POC5: variants seen among roughly 807,000 people sequenced by gnomAD.
POC5 encodes the protein POC5 centriolar protein.
Under a neutral mutation model 62.9 loss-of-function variants are expected in POC5, and 48 were observed. That is an observed-to-expected ratio of 0.76 (90% confidence interval 0.61 to 0.97). The LOEUF (loss-of-function observed/expected upper bound fraction) is 0.97. Ranked by LOEUF, POC5 falls within the 50% of genes least tolerant of loss-of-function variation. POC5 has a pLI of 0.00. For synonymous variants in POC5, 236 were observed against 228.2 expected (o/e 1.03, Z -0.31); for missense variants, 696 against 679.5 (o/e 1.02, Z -0.27).
At chr5:75,697,556 T>C (rs1337771166) in intron 5 of POC5, among the ~76,000 whole-genome samples, 2 of 151,322 alleles carry the variant, frequency 1.3e-5, no homozygotes, top group African/African-American at 4.9e-5. Context: ...CTGAAGGAAG[T>C]GCTAAACATG....
intron 9 of POC5, among the ~76,000 whole-genome samples, chr5:75,686,006 C>G (rs1776084945): frequency 6.6e-6 from 1 of 152,044 alleles, no homozygotes; most frequent in Admixed American, 6.6e-5. Flanking sequence ...AAAAATAAAT[C>G]AATAAAACTA....
chr5:75,674,581 G>A lies in POC5; in HGVS notation c.1585-3C>T. ...GCAGTTGCTTGAGGAATGGTTTGCT[G>A]AAAAGACAAAATTCTGCTTTAATAA... On this transcript the variant is annotated splice_polypyrimidine_tract_variant and splice_region_variant and intron_variant, in intron 11 of 11. Transcript: ENST00000428202. 1 of 1,613,452 alleles carries A rather than the reference G, an allele frequency of 6.2e-7. No homozygotes were observed. Among genetic ancestry groups the A allele is most frequent in the Non-Finnish European group, 8.5e-7 (1 of 1,179,650 alleles).
At position 75,685,449 on chromosome 5, in the gene POC5, C is replaced by A; in HGVS notation, c.1165G>T (p.Gly389Cys). ...DSTNNKKEEY[G>C]PGVQGKEHSA... Reference sequence around the variant, plus strand: ...TGTTCTTTTCCTTGAACACCAGGACCATACTCTTCCTTTTTATTATTTGTG... The same window carrying A: ...TGTTCTTTTCCTTGAACACCAGGACAATACTCTTCCTTTTTATTATTTGTG... Residue 389 changes from glycine (G) to cysteine (C), a missense_variant, in exon 10 of 12, where the codon GGT becomes TGT. Coordinates refer to ENST00000428202, the MANE Select transcript of POC5 (RefSeq NM_001099271.2). The A allele has an allele frequency of 6.2e-7, 1 of 1,612,380 alleles. No homozygotes were observed. The highest frequency in any genetic ancestry group is 8.5e-7 in the Non-Finnish European group (1 of 1,178,582).
At chr5:75,687,368 T>C (rs1203060313) in intron 9 of POC5, among the ~76,000 whole-genome samples, 1 of 150,072 alleles carries the variant, frequency 6.7e-6, no homozygotes, top group Non-Finnish European at 1.5e-5. Context: ...GGGCCAAAAG[T>C]AATTTTTTTT....
intron 6 of POC5, 62 bp downstream of exon 6, chr5:75,694,593 A>G: frequency 7.9e-7 from 1 of 1,272,512 alleles, no homozygotes. Flanking sequence ...CATTTCTTAG[A>G]ATTTATTATC....
chr5:75,715,309 CAAAAAAAA>C (rs922297009), intron 1 of POC5, among the ~76,000 whole-genome samples: 3 of 59,324 alleles, frequency 5.1e-5, no homozygotes, highest in Non-Finnish European at 1.0e-4. Flanking sequence ...GACTCCGTCT[CAAAAAAAA>C]AAAAAAAAAA....
At chr5:75,685,871 G>A (rs1320175124) in intron 9 of POC5, among the ~76,000 whole-genome samples, 1 of 152,080 alleles carries the variant, frequency 6.6e-6, no homozygotes, top group East Asian at 1.9e-4. Flanking sequence ...CAAATATCCT[G>A]ATAGATGGCC....
intron 9 of POC5, among the ~76,000 whole-genome samples, chr5:75,687,251 C>T (rs1005202892): frequency 1.3e-5 from 2 of 152,112 alleles, no homozygotes; most frequent in Non-Finnish European, 2.9e-5. Context: ...AGGATCGTCT[C>T]GATCTCCTGA....
In POC5 at chr5:75,717,433, A is replaced by C. The variant is rs550912047; in HGVS notation, c.-142T>G. ...CTAGACGGCAACCTGACAGTTTCAAACTGCAGGGAGGAATTAAGGACCGCC... is the reference window on the plus strand; with the variant it reads ...CTAGACGGCAACCTGACAGTTTCAACCTGCAGGGAGGAATTAAGGACCGCC... On this transcript the variant is annotated 5_prime_UTR_variant, in exon 1 of 12. Transcript: ENST00000428202. 3.3e-4 allele frequency: 51 copies of C among 152,290 alleles called. No homozygotes were observed. The highest frequency in any genetic ancestry group is 1.2e-3 in the African/African-American group (50 of 41,556). 9.4% of individuals were successfully genotyped at this position (152,290 alleles called of 1,614,324 possible). A position where few individuals can be genotyped will look rare whatever the true frequency, so the allele number is the denominator to read the frequency against.
intron 4 of POC5, among the ~76,000 whole-genome samples, chr5:75,704,523 G>A (rs191048429): frequency 1.1e-3 from 174 of 152,316 alleles, no homozygotes; most frequent in African/African-American, 3.9e-3. Flanking sequence ...TGCATGTTCT[G>A]AGGATGGTTA....
chr5:75,696,608 GA>G, intron 5 of POC5, among the ~76,000 whole-genome samples: 1 of 151,822 alleles, frequency 6.6e-6, no homozygotes, highest in Admixed American at 6.6e-5. Context: ...CAAAGATGGG[GA>G]AAAAACAGAG....
At chr5:75,702,448 T>C (rs1177545886) in intron 5 of POC5, among the ~76,000 whole-genome samples, 157 bp downstream of exon 5, 1 of 152,016 alleles carries the variant, frequency 6.6e-6, no homozygotes, top group African/African-American at 2.4e-5. Context: ...CGTAAGTACA[T>C]TAAAGATTGA....
At chr5:75,705,443 A>G (rs545242547) in intron 4 of POC5, 4 of 253,548 alleles carry the variant, frequency 1.6e-5, no homozygotes, top group African/African-American at 8.9e-5. Flanking sequence ...ATCCCATTAA[A>G]TCTTTTAAAA....
intron 11 of POC5, 153 bp downstream of exon 11, chr5:75,677,621 T>TAA (rs58777768): frequency 0.02 from 7,627 of 386,148 alleles, 15 homozygotes; most frequent in Middle Eastern, 0.032. Flanking sequence ...GTATATATAT[T>TAA]AAAAAAAAAA....
intron 2 of POC5, 158 bp downstream of exon 2, chr5:75,712,696 C>T: frequency 2.7e-6 from 2 of 731,766 alleles, no homozygotes; most frequent in Non-Finnish European, 4.6e-6. Flanking sequence ...AAAGTCACTC[C>T]TAAAATGTGT....
intron 10 of POC5, among the ~76,000 whole-genome samples, chr5:75,678,424 C>T (rs930234141): frequency 2.6e-5 from 4 of 152,110 alleles, no homozygotes; most frequent in East Asian, 1.9e-4. Context: ...CTCATCACCA[C>T]GAAGATCTCC....
At chr5:75,697,054 G>T (rs572828601) in intron 5 of POC5, among the ~76,000 whole-genome samples, 2 of 152,182 alleles carry the variant, frequency 1.3e-5, no homozygotes, top group Non-Finnish European at 2.9e-5. Flanking sequence ...ATGGGACTAC[G>T]TGAAAAGACC....
intron 2 of POC5, among the ~76,000 whole-genome samples, chr5:75,711,117 T>C (rs1015908275): frequency 6.6e-6 from 1 of 152,244 alleles, no homozygotes; most frequent in Non-Finnish European, 1.5e-5. Context: ...AAATCAGTTA[T>C]TTAAATGACT....
At chr5:75,707,988 A>G in intron 2 of POC5, 113 bp from the exon 3 acceptor site, 1 of 983,416 alleles carries the variant, frequency 1.0e-6, no homozygotes, top group Non-Finnish European at 1.4e-6. Context: ...CATGCTTATT[A>G]TATTACAAAG....
Sources: gnomAD v4.1 joint callset for allele counts (sites outside exome capture counted in the v4.1 genomes callset) on GRCh38, gnomAD v4.1.1 for gene constraint, MANE v1.5 for transcripts, NCBI Gene and HGNC (gene_info 2026-07-23, HGNC 2026-07-21) for gene names.